The following PPP2R2C variants were observed in gnomAD, a reference collection of about 807,000 sequenced individuals.
The protein encoded by PPP2R2C is protein phosphatase 2, regulatory subunit B, gamma.
Under a neutral mutation model 45.3 loss-of-function variants are expected in PPP2R2C, and 10 were observed. That is an observed-to-expected ratio of 0.22 (90% CI 0.14 to 0.37). PPP2R2C has a LOEUF of 0.37. PPP2R2C is among the 10% of genes least tolerant of loss of function. PPP2R2C has a pLI of 1.00. For missense variants in PPP2R2C, 308 were observed against 619.7 expected (o/e 0.50, Z 5.34); for synonymous variants, 257 against 245.4 (o/e 1.05, Z -0.44).
At chr4:6,518,061 A>C (rs1723882388) in intron 2 of PPP2R2C, among the ~76,000 whole-genome samples, 3 of 152,200 alleles carry the variant, frequency 2.0e-5, no homozygotes, top group Admixed American at 2.0e-4. Flanking sequence ...ATAACACATG[A>C]CTCAAAGAAG....
At chr4:6,351,116 C>G (rs1161757066) in intron 5 of PPP2R2C, 30 of 737,272 alleles carry the variant, frequency 4.1e-5, no homozygotes, top group Non-Finnish European at 4.8e-5. Flanking sequence ...ACCAGCCTGA[C>G]CAACATACCA....
chr4:6,483,704 G>A (rs564288378), intron 2 of PPP2R2C, among the ~76,000 whole-genome samples: 1 of 152,188 alleles, frequency 6.6e-6, no homozygotes, highest in South Asian at 2.1e-4. Context: ...GTGCTTTACA[G>A]AGAATTTCTG....
At chr4:6,531,317 C>T (rs568851749) in intron 2 of PPP2R2C, among the ~76,000 whole-genome samples, 86 of 152,308 alleles carry the variant, frequency 5.6e-4, no homozygotes, top group African/African-American at 2.0e-3. Context: ...GCTGTGCACC[C>T]TCACAGAGGA....
chr4:6,463,935 A>C (rs916198574), intron 1 of PPP2R2C, among the ~76,000 whole-genome samples: 1 of 152,136 alleles, frequency 6.6e-6, no homozygotes, highest in Non-Finnish European at 1.5e-5. Context: ...AAATCTCCTA[A>C]GTGTGGTGCA....
intron 2 of PPP2R2C, among the ~76,000 whole-genome samples, chr4:6,511,477 A>G (rs1367393638): frequency 6.7e-5 from 4 of 59,944 alleles, no homozygotes; most frequent in Non-Finnish European, 1.0e-4. Context: ...GGTGGTGGTG[A>G]TGGCGGTGTT....
At chr4:6,493,909 T>C (rs1014610073) in intron 2 of PPP2R2C, among the ~76,000 whole-genome samples, 2 of 152,230 alleles carry the variant, frequency 1.3e-5, no homozygotes, top group Non-Finnish European at 2.9e-5. Context: ...CAACAGAACA[T>C]GCTGGAATGT....
intron 6 of PPP2R2C, among the ~76,000 whole-genome samples, chr4:6,335,701 C>A (rs1036641493): frequency 4.6e-5 from 7 of 151,932 alleles, no homozygotes; most frequent in African/African-American, 1.7e-4. Flanking sequence ...CCAGGTGTCA[C>A]CATCCTGATC....
At chr4:6,558,296 T>C (rs2108845479) in intron 1 of PPP2R2C, among the ~76,000 whole-genome samples, 1 of 152,314 alleles carries the variant, frequency 6.6e-6, no homozygotes, top group East Asian at 1.9e-4. Flanking sequence ...CTGGTGGGGC[T>C]GTCACTTAAG....
chr4:6,556,759 T>A (rs1450801777), intron 1 of PPP2R2C, among the ~76,000 whole-genome samples: 2 of 151,938 alleles, frequency 1.3e-5, no homozygotes, highest in Non-Finnish European at 2.9e-5. Flanking sequence ...AGCAACCAGA[T>A]TCTCCCCCTG....
At chr4:6,542,709 A>AAAAAAAAAAAAAAAG (rs112182178) in intron 1 of PPP2R2C, among the ~76,000 whole-genome samples, 7 of 127,834 alleles carry the variant, frequency 5.5e-5, no homozygotes, top group Admixed American at 1.8e-4. Context: ...TCTCAAAAAA[A>AAAAAAAAAAAAAAAG]AAAAAGAAAA....
chr4:6,475,347 C>T (rs1414172728), upstream of PPP2R2C, among the ~76,000 whole-genome samples: 2 of 152,190 alleles, frequency 1.3e-5, no homozygotes, highest in Non-Finnish European at 2.9e-5. Context: ...CTTCTCACAG[C>T]GTAAGCCTGC....
chr4:6,374,301 C>T (rs1715122647), intron 4 of PPP2R2C, among the ~76,000 whole-genome samples: 1 of 152,158 alleles, frequency 6.6e-6, no homozygotes, highest in African/African-American at 2.4e-5. Context: ...TCATCCAGTG[C>T]TCCAGCCATT....
chr4:6,512,552 TG>T (rs1723681394), intron 2 of PPP2R2C, among the ~76,000 whole-genome samples: 2 of 131,012 alleles, frequency 1.5e-5, no homozygotes, highest in Non-Finnish European at 3.3e-5. Flanking sequence ...GTGATGGTGG[TG>T]ATGGTGGTGG....
In PPP2R2C at chr4:6,471,401, A is replaced by C. The variant is rs1345829079; in HGVS notation, c.70+759T>G. The stretch of plus-strand genomic sequence containing the variant: ...CCCGGAAGTTCCAGGCCTGTAAGAG[A>C]GGGGCGCTGACCCACCAGCCTCGGG... On this transcript the variant is annotated intron_variant, in intron 1 of 8. Transcript: ENST00000382599. The surrounding 1 kb of genome is among the most constrained non-coding windows in gnomAD (Gnocchi z 5.6). Among the ~76,000 whole-genome samples, 1 of 130,544 alleles carries C rather than the reference A, an allele frequency of 7.7e-6. No individual in the cohort carries two copies. Among genetic ancestry groups the C allele is most frequent in the East Asian group, 2.3e-4 (1 of 4,338 alleles). The allele number at this position is 130,544 out of a possible 152,430, so 85.6% of individuals were successfully genotyped here. A position where few individuals can be genotyped will look rare whatever the true frequency, so the allele number is the denominator to read the frequency against.
At chr4:6,444,169 A>G (rs2108737516) in intron 1 of PPP2R2C, among the ~76,000 whole-genome samples, 1 of 152,210 alleles carries the variant, frequency 6.6e-6, no homozygotes, top group South Asian at 2.1e-4. Context: ...TGGGACAGAC[A>G]CTCACCATGT....
rs941929944 is a variant in PPP2R2C at position 6,329,608 on chromosome 4, G to C, written c.961-255C>G. Among the ~76,000 whole-genome samples the C allele has an allele frequency of 1.6e-4, 20 of 128,580 alleles. No individual in the cohort carries two copies. Among genetic ancestry groups the C allele is most frequent in the African/African-American group, 9.7e-5 (2 of 20,654 alleles). 84.4% of individuals were successfully genotyped at this position (128,580 alleles called of 152,430 possible). ...CCAATACAGCCCTGCTCATCTTATC[G>C]GGGGGCCCACGACCAGGCACACGGC... On this transcript the variant is annotated intron_variant, in intron 7 of 8. Coordinates refer to ENST00000382599, the MANE Select transcript of PPP2R2C (RefSeq NM_020416.4). This position sits in a 1 kb window ranked among gnomAD's most constrained non-coding sequence, Gnocchi z 5.8.
intron 1 of PPP2R2C, chr4:6,535,500 G>A (rs939235926): frequency 4.7e-6 from 3 of 643,888 alleles, no homozygotes; most frequent in Admixed American, 5.9e-5. Flanking sequence ...GCCCGGCACA[G>A]CTCCAGCCAG....
At chr4:6,537,550 TG>T (rs764811347) in intron 1 of PPP2R2C, among the ~76,000 whole-genome samples, 2,638 of 144,222 alleles carry the variant, frequency 0.018, 73 homozygotes, top group African/African-American at 0.062. Flanking sequence ...GAAGATTTTT[TG>T]TTTTTTTTTT....
At chr4:6,393,640 C>T (rs2109336801) in intron 1 of PPP2R2C, among the ~76,000 whole-genome samples, 2 of 152,332 alleles carry the variant, frequency 1.3e-5, no homozygotes, top group East Asian at 3.9e-4. Flanking sequence ...GCCACTGCCC[C>T]TCCCATGGGC....
Sources: gnomAD v4.1 joint callset for allele counts (sites outside exome capture counted in the v4.1 genomes callset) on GRCh38, gnomAD v4.1.1 for gene constraint, Gnocchi (gnomAD v3.1) non-coding constraint, MANE v1.5 for transcripts, NCBI Gene and HGNC (gene_info 2026-07-23, HGNC 2026-07-21) for gene names.